The following SLCO1B3 variants were observed in gnomAD, a reference collection of about 807,000 sequenced individuals.
The protein encoded by SLCO1B3 is solute carrier organic anion transporter family member 1B3.
SLCO1B3 carries 72 observed loss-of-function variants against 71.8 expected under a neutral mutation model. The observed-to-expected ratio is 1.00, with a 90% CI of 0.83 to 1.22. The LOEUF is 1.22. Among genes scored for constraint, SLCO1B3 ranks in the 50% most tolerant of loss-of-function variants. SLCO1B3 has a pLI of 0.00. For synonymous variants in SLCO1B3, 298 were observed against 278.4 expected (o/e 1.07, Z -0.70); for missense variants, 911 against 819.7 (o/e 1.11, Z -1.36).
chr12:20,878,945 A>G (rs1435004483), intron 10 of SLCO1B3, among the ~76,000 whole-genome samples: 1 of 152,180 alleles, frequency 6.6e-6, no homozygotes, highest in Non-Finnish European at 1.5e-5. Flanking sequence ...GGATTGAAAC[A>G]TTTTGAGAAA....
intron 3 of SLCO1B3, among the ~76,000 whole-genome samples, chr12:20,849,507 A>G (rs1864980447): frequency 6.6e-6 from 1 of 152,072 alleles, no homozygotes; most frequent in Non-Finnish European, 1.5e-5. Context: ...AAGAATATTC[A>G]TTTTTACTAA....
At chr12:20,881,772 T>C (rs955031157) in intron 12 of SLCO1B3, among the ~76,000 whole-genome samples, 6 of 152,110 alleles carry the variant, frequency 3.9e-5, no homozygotes, top group African/African-American at 1.2e-4. Flanking sequence ...ATACCTACAA[T>C]CAATTCAACA....
At chr12:20,889,173 G>T (rs1182138960) in intron 13 of SLCO1B3, among the ~76,000 whole-genome samples, 3 of 147,706 alleles carry the variant, frequency 2.0e-5, no homozygotes, top group African/African-American at 7.5e-5. Flanking sequence ...TATTTGTTAT[G>T]TACTTGCCTG....
chr12:20,898,043 G>A (rs547450324), intron 13 of SLCO1B3, among the ~76,000 whole-genome samples: 130 of 152,188 alleles, frequency 8.5e-4, no homozygotes, highest in African/African-American at 3.0e-3. Context: ...GTAAAAAGAG[G>A]TCTGCTAAGA....
At chr12:20,861,216 T>A in intron 6 of SLCO1B3, 78 bp downstream of exon 6, 1 of 1,304,138 alleles carries the variant, frequency 7.7e-7, no homozygotes, top group Non-Finnish European at 1.0e-6. Context: ...TGATATTCTT[T>A]AACAAAATTG....
chr12:20,900,665 C>A (rs1866111427), intron 14 of SLCO1B3, among the ~76,000 whole-genome samples: 1 of 152,152 alleles, frequency 6.6e-6, no homozygotes, highest in Non-Finnish European at 1.5e-5. Flanking sequence ...CCCTAACCTG[C>A]AGCCCAGGTT....
intron 3 of SLCO1B3, among the ~76,000 whole-genome samples, chr12:20,816,847 C>T (rs1864203489): frequency 1.3e-5 from 2 of 152,154 alleles, no homozygotes; most frequent in African/African-American, 4.8e-5. Context: ...TACTCCACAA[C>T]CTCACCAGCA....
chr12:20,817,279 C>T lies in SLCO1B3; in HGVS notation c.84+1457C>T, dbSNP rs534853155. 2.6e-5 allele frequency among the ~76,000 whole-genome samples: 4 copies of T among 152,228 alleles called. No homozygotes were observed. The South Asian group carries it at 6.2e-4, about 24-fold the overall frequency. ...AAGAAATTTGCTCAAGAAATTTTTGCCCAGATGAACGTCCTGGAGAGTTTC... is the reference window on the plus strand; with the variant it reads ...AAGAAATTTGCTCAAGAAATTTTTGTCCAGATGAACGTCCTGGAGAGTTTC... On this transcript the variant is annotated intron_variant, in intron 3 of 15. Coordinates refer to ENST00000381545, the MANE Select transcript of SLCO1B3 (RefSeq NM_019844.4).
intron 7 of SLCO1B3, 81 bp from the exon 8 acceptor site, chr12:20,862,675 T>C: frequency 2.1e-6 from 3 of 1,456,318 alleles, no homozygotes; most frequent in Non-Finnish European, 2.8e-6. Context: ...AAGTGTATTG[T>C]ATAATATTAC....
At chr12:20,831,414 C>T (rs978728798) in intron 3 of SLCO1B3, among the ~76,000 whole-genome samples, 5 of 148,060 alleles carry the variant, frequency 3.4e-5, no homozygotes, top group Admixed American at 6.7e-5. Flanking sequence ...TTAACATCAT[C>T]GAAACCATTG....
intron 3 of SLCO1B3, among the ~76,000 whole-genome samples, chr12:20,839,013 C>T (rs768400740): frequency 1.3e-5 from 2 of 151,922 alleles, no homozygotes; most frequent in African/African-American, 2.4e-5. Flanking sequence ...GATATATTTA[C>T]AACTATTTCA....
chr12:20,856,234 A>G (rs1865133124), intron 4 of SLCO1B3, among the ~76,000 whole-genome samples: 1 of 152,134 alleles, frequency 6.6e-6, no homozygotes, highest in Non-Finnish European at 1.5e-5. Flanking sequence ...CAATTATTTG[A>G]ACATCATTAT....
At chr12:20,902,778 C>A (rs4762804) in intron 15 of SLCO1B3, among the ~76,000 whole-genome samples, 108,225 of 151,958 alleles carry the variant, frequency 0.71, 42,895 homozygotes, top group South Asian at 0.94. Context: ...TTAAAAATCT[C>A]CAAAAACAGG....
chr12:20,844,229 A>ATATAT (rs1406026167), intron 3 of SLCO1B3, among the ~76,000 whole-genome samples: 1 of 152,096 alleles, frequency 6.6e-6, no homozygotes, highest in Non-Finnish European at 1.5e-5. Context: ...TAAGTTATAT[A>ATATAT]AAGATACCTT....
rs1865297903 is a variant in SLCO1B3, at chr12:20,862,833, G to T, written c.706G>T (p.Asp236Tyr). The change falls in exon 8 of 16, where the codon GAT becomes TAT. Residue 236 changes from aspartate (D) to tyrosine (Y), a missense_variant. Coordinates refer to ENST00000381545, the MANE Select transcript of SLCO1B3 (RefSeq NM_019844.4). ...LGSLFAKMYV[D>Y]IGYVDLSTIR... ...ATCTCTGTTTGCTAAAATGTACGTG[G>T]ATATTGGATATGTAGATCTGAGTAA... is the stretch of plus-strand genomic sequence containing the variant. The T allele has an allele frequency of 6.3e-7, 1 of 1,589,968 alleles. No individual in the cohort carries two copies. The highest frequency in any genetic ancestry group is 8.6e-7 in the Non-Finnish European group (1 of 1,158,052).
At chr12:20,902,449 T>A (rs1477997946) in intron 15 of SLCO1B3, 1 of 152,246 alleles carries the variant, frequency 6.6e-6, no homozygotes, top group Non-Finnish European at 1.5e-5. Flanking sequence ...AACTAATGCA[T>A]GAACAGAAAA....
intron 13 of SLCO1B3, among the ~76,000 whole-genome samples, chr12:20,896,631 C>T (rs1039931895): frequency 1.3e-5 from 2 of 152,184 alleles, no homozygotes; most frequent in Non-Finnish European, 2.9e-5. Context: ...AAGTTCCAAA[C>T]TTTCCCATAT....
intron 3 of SLCO1B3, among the ~76,000 whole-genome samples, chr12:20,834,369 C>CTA (rs35103050): frequency 0.43 from 60,653 of 139,866 alleles, 14,792 homozygotes; most frequent in South Asian, 0.63. Flanking sequence ...TACGTGGAGA[C>CTA]TATATATATA....
At chr12:20,911,189 G>T (rs1866367050) in intron 15 of SLCO1B3, among the ~76,000 whole-genome samples, 1 of 152,038 alleles carries the variant, frequency 6.6e-6, no homozygotes, top group Admixed American at 6.5e-5. Flanking sequence ...TGCATTTTCT[G>T]CATCTATTGA....
Sources: gnomAD v4.1 joint callset for allele counts (sites outside exome capture counted in the v4.1 genomes callset) on GRCh38, gnomAD v4.1.1 for gene constraint, MANE v1.5 for transcripts, NCBI Gene and HGNC (gene_info 2026-07-23, HGNC 2026-07-21) for gene names.